Variants in BMPER observed in about 807,000 individuals in gnomAD.
BMPER encodes BMP binding endothelial regulator.
A neutral mutation model predicts 87.3 loss-of-function variants in BMPER; 45 were observed. The ratio of observed to expected loss-of-function variants is 0.52; its 90% confidence interval spans 0.41 to 0.66. BMPER has a LOEUF of 0.66. Ranked by LOEUF, BMPER falls within the 30% of genes least tolerant of loss-of-function variation. The probability of loss-of-function intolerance (pLI) is 0.00; values close to 1 mark genes in which losing one functional copy is unlikely to be tolerated. For synonymous variants in BMPER, 326 were observed against 316.2 expected (o/e 1.03, Z -0.33); for missense variants, 784 against 867.5 (o/e 0.90, Z 1.21).
chr7:34,089,676 T>G (rs766254148), intron 13 of BMPER, among the ~76,000 whole-genome samples: 7 of 151,772 alleles, frequency 4.6e-5, no homozygotes, highest in Non-Finnish European at 7.4e-5. Flanking sequence ...TAGAGATGGG[T>G]TTTCACCATG....
chr7:33,947,469 C>T (rs1407176769), intron 3 of BMPER, among the ~76,000 whole-genome samples: 1 of 151,892 alleles, frequency 6.6e-6, no homozygotes, highest in Admixed American at 6.6e-5. Flanking sequence ...TTTGATTTTT[C>T]TGTGTTTTGT....
At position 34,051,976 on chromosome 7, in the gene BMPER, G is replaced by A. The variant is rs370654233; in HGVS notation, c.786+6G>A. On this transcript the variant is annotated splice_donor_region_variant and intron_variant, in intron 8 of 14. Coordinates refer to ENST00000649409, the MANE Select transcript of BMPER (RefSeq NM_001365308.1). ...GCACAGCTTGTACCTGCAGGGTAAG[G>A]CAGCTCTGAGAGGCTGTGGTCCAGC... 5.6e-6 allele frequency: 9 copies of A among 1,605,626 alleles called. No individual in the cohort carries two copies. The highest frequency in any genetic ancestry group is 1.1e-5 in the South Asian group (1 of 90,904).
chr7:34,123,986 A>G (rs1035286430), intron 13 of BMPER, among the ~76,000 whole-genome samples: 2 of 152,188 alleles, frequency 1.3e-5, no homozygotes, highest in African/African-American at 4.8e-5. Flanking sequence ...AATGCTTGGC[A>G]CATAGAGAGT....
At position 33,906,941 on chromosome 7, in the gene BMPER, C is replaced by G. The variant is rs562137362; in HGVS notation, c.219+38C>G. On this transcript the variant is annotated intron_variant, in intron 2 of 14. Transcript: ENST00000649409. ...ATCAGGTAATATGAACTCAACTGCT[C>G]TCTCTGATAAGGTGAATCCATTAAA... The G allele has an allele frequency of 1.3e-5, 19 of 1,519,292 alleles. No individual in the cohort carries two copies. In the East Asian group the frequency reaches 3.4e-4, roughly 27 times the overall value. 94.1% of individuals were successfully genotyped at this position (1,519,292 alleles called of 1,614,324 possible). A position where few individuals can be genotyped will look rare whatever the true frequency, so the allele number is the denominator to read the frequency against.
intron 6 of BMPER, among the ~76,000 whole-genome samples, chr7:34,044,744 A>C (rs903224767): frequency 6.6e-6 from 1 of 152,166 alleles, no homozygotes; most frequent in Non-Finnish European, 1.5e-5. Flanking sequence ...CATGTTCTCT[A>C]TTGGTTTGGG....
chr7:34,062,467 C>T (rs1788461547), intron 11 of BMPER, among the ~76,000 whole-genome samples: 1 of 151,844 alleles, frequency 6.6e-6, no homozygotes, highest in Non-Finnish European at 1.5e-5. Flanking sequence ...GCTCCCTCAC[C>T]CCACCCCCAC....
chr7:34,123,995 G>A (rs1316007877), intron 13 of BMPER, among the ~76,000 whole-genome samples: 1 of 152,152 alleles, frequency 6.6e-6, no homozygotes, highest in Admixed American at 6.5e-5. Context: ...CACATAGAGA[G>A]TACTCAGCAA....
rs1430325521 is a variant in BMPER at position 33,940,027 on chromosome 7, T to G, written c.319+2639T>G. 10 of 226,052 alleles carry G rather than the reference T, an allele frequency of 4.4e-5. No homozygotes were observed. In the East Asian group the frequency reaches 6.4e-4, roughly 14 times the overall value. The allele number at this position is 226,052 out of a possible 1,614,324, so 14.0% of individuals were successfully genotyped here. A position where few individuals can be genotyped will look rare whatever the true frequency, so the allele number is the denominator to read the frequency against. ...TGGAGACTCCCAGTATTTTGGTGAG[T>G]TTTTTTTTTAATTGGAATTGTAACT... On this transcript the variant is annotated intron_variant, in intron 3 of 14. Transcript: ENST00000649409.
At chr7:33,946,668 G>A (rs1214332098) in intron 3 of BMPER, among the ~76,000 whole-genome samples, 1 of 152,114 alleles carries the variant, frequency 6.6e-6, no homozygotes, top group Non-Finnish European at 1.5e-5. Context: ...GAGTAGAGGG[G>A]TCACACAAAA....
chr7:34,085,738 C>T lies in BMPER; in HGVS notation c.1409-18C>T, dbSNP rs1411789789. 6.2e-7 allele frequency: 1 copy of T among 1,600,076 alleles called. No individual in the cohort carries two copies. The highest frequency in any genetic ancestry group is 1.7e-4 in the Middle Eastern group (1 of 6,034). On this transcript the variant is annotated intron_variant, in intron 12 of 14. Transcript: ENST00000649409. ...GTTAATGAGTGATTGATTTCCTTTT[C>T]CTCTCCTCCTCCTCTAGGTTTGGAA...
chr7:33,982,396 A>G (rs1011966819), intron 6 of BMPER, among the ~76,000 whole-genome samples: 22 of 152,210 alleles, frequency 1.4e-4, no homozygotes, highest in African/African-American at 4.6e-4. Flanking sequence ...GTGGGCCAAA[A>G]AGCCCCAGAG....
chr7:34,001,246 T>A (rs960904452), intron 6 of BMPER, among the ~76,000 whole-genome samples: 2 of 152,024 alleles, frequency 1.3e-5, no homozygotes, highest in African/African-American at 4.8e-5. Flanking sequence ...AGGACTTGTG[T>A]TAATTGTTTT....
chr7:34,091,856 G>T (rs1234024301), intron 13 of BMPER, among the ~76,000 whole-genome samples: 1 of 152,168 alleles, frequency 6.6e-6, no homozygotes, highest in Non-Finnish European at 1.5e-5. Flanking sequence ...ATGCTCTTTA[G>T]TTTTTAGTTA....
At chr7:34,085,635 AC>A in intron 12 of BMPER, 120 bp from the exon 13 acceptor site, 1 of 962,978 alleles carries the variant, frequency 1.0e-6, no homozygotes, top group African/African-American at 1.6e-5. Flanking sequence ...ATTTGGACCA[AC>A]CCTTGGTGCT....
intron 3 of BMPER, among the ~76,000 whole-genome samples, chr7:33,959,818 T>G (rs1182988778): frequency 6.6e-6 from 1 of 152,210 alleles, no homozygotes; most frequent in East Asian, 1.9e-4. Context: ...TATAAAGTTA[T>G]GCGACTGAGC....
At chr7:33,987,373 A>G (rs548187793) in intron 6 of BMPER, among the ~76,000 whole-genome samples, 6 of 152,234 alleles carry the variant, frequency 3.9e-5, no homozygotes, top group African/African-American at 1.4e-4. Context: ...AGATTGGAGG[A>G]TGCTGAACCA....
At chr7:34,095,528 TCTC>T (rs551271514) in intron 13 of BMPER, among the ~76,000 whole-genome samples, 305 of 152,310 alleles carry the variant, frequency 2.0e-3, no homozygotes, top group Non-Finnish European at 3.1e-3. Flanking sequence ...CCTATTGCCT[TCTC>T]CTCATTGGAT....
intron 1 of BMPER, among the ~76,000 whole-genome samples, chr7:33,906,470 AT>A (rs11294906): frequency 0.62 from 93,355 of 151,664 alleles, 28,846 homozygotes; most frequent in Middle Eastern, 0.79. Flanking sequence ...TTTATTTTTT[AT>A]TTTTTTCTTT....
intron 13 of BMPER, among the ~76,000 whole-genome samples, chr7:34,128,334 G>C (rs1790454981): frequency 6.6e-6 from 1 of 152,016 alleles, no homozygotes; most frequent in Non-Finnish European, 1.5e-5. Flanking sequence ...GGTAATGCTA[G>C]ACTGCTTTTT....
Sources: allele counts gnomAD v4.1 joint callset (sites outside exome capture counted in the v4.1 genomes callset), GRCh38; gene constraint gnomAD v4.1.1; transcripts MANE v1.5; gene names NCBI Gene and HGNC (gene_info 2026-07-23, HGNC 2026-07-21).